Variants in MPRIP observed in about 807,000 individuals in gnomAD.
MPRIP encodes myosin phosphatase Rho interacting protein, also known as myosin phosphatase Rho-interacting protein.
Under a neutral mutation model 234.9 loss-of-function variants are expected in MPRIP, and 59 were observed. That is an observed-to-expected ratio of 0.25 (90% CI 0.20 to 0.31). MPRIP has a LOEUF of 0.31. Among genes scored for constraint, MPRIP ranks in the 10% least tolerant of loss-of-function variants. The probability of loss-of-function intolerance (pLI) is 1.00; values close to 1 mark genes in which losing one functional copy is unlikely to be tolerated. For synonymous variants in MPRIP, 1,144 were observed against 1,263.9 expected (o/e 0.91, Z 2.01); for missense variants, 2,436 against 3,071.0 (o/e 0.79, Z 4.89).
chr17:17,144,492 C>T (rs1222258224), intron 9 of MPRIP, among the ~76,000 whole-genome samples: 2 of 152,212 alleles, frequency 1.3e-5, no homozygotes, highest in Non-Finnish European at 1.5e-5. Flanking sequence ...TAGGCCTTGC[C>T]ATTGGGGTCA....
rs928085816 is a variant in MPRIP at position 17,191,101 on chromosome 17, A to G, written c.*6207A>G. 1 of 152,186 alleles carries G rather than the reference A, an allele frequency of 6.6e-6. No homozygotes were observed. The highest frequency in any genetic ancestry group is 1.5e-5 in the Non-Finnish European group (1 of 68,034). 9.4% of individuals were successfully genotyped at this position (152,186 alleles called of 1,614,324 possible). On this transcript the variant is annotated 3_prime_UTR_variant, in exon 24 of 24. Coordinates refer to ENST00000651222, the MANE Select transcript of MPRIP (RefSeq NM_001364716.4). ...TGTAAAACGTTTGGTCATCTAACAG[A>G]TGGTTTTAAAGTGTACAATATCCAA...
chr17:17,078,137 G>T lies in MPRIP; in HGVS notation c.267+61G>T. 4.5e-6 allele frequency: 7 copies of T among 1,547,862 alleles called. No individual in the cohort carries two copies. Among genetic ancestry groups the T allele is most frequent in the Non-Finnish European group, 6.2e-6 (7 of 1,121,278 alleles). On this transcript the variant is annotated intron_variant, in intron 3 of 23. Coordinates refer to ENST00000651222, the MANE Select transcript of MPRIP (RefSeq NM_001364716.4). This position sits in a 1 kb window ranked among gnomAD's most constrained non-coding sequence, Gnocchi z 4.3. ...CTTCACCAAGTCCCTCCATTACAGT[G>T]CCCTTGCGTTGTCATGTGAGAGCAC...
At chr17:17,100,837 C>T (rs2089947052) in intron 3 of MPRIP, among the ~76,000 whole-genome samples, 1 of 152,124 alleles carries the variant, frequency 6.6e-6, no homozygotes, top group African/African-American at 2.4e-5. Flanking sequence ...CTGAAACCAT[C>T]CATCCATTCC....
At chr17:17,172,451 A>G (rs1309066357) in intron 17 of MPRIP, among the ~76,000 whole-genome samples, 1 of 152,216 alleles carries the variant, frequency 6.6e-6, no homozygotes, top group African/African-American at 2.4e-5. Context: ...TTTTCTTCTA[A>G]CACCAAAAAA....
At chr17:17,137,816 G>A in intron 6 of MPRIP, 100 bp from the exon 7 acceptor site, 2 of 1,031,780 alleles carry the variant, frequency 1.9e-6, no homozygotes, top group Non-Finnish European at 2.7e-6. Context: ...GGTGGAGAAG[G>A]CCCCTGCTTG....
At position 17,167,336 on chromosome 17, in the gene MPRIP, G is replaced by T; in HGVS notation, c.5745G>T (p.Glu1915Asp). Residue 1915 changes from glutamate to aspartate, a missense_variant, in exon 16 of 24, where the codon GAG becomes GAT. Transcript: ENST00000651222. The surrounding 1 kb of genome is among the most constrained non-coding windows in gnomAD (Gnocchi z 5.9). ...VIAIVERENAELKAKAAQLDH... is the reference protein window; with the variant it reads ...VIAIVERENADLKAKAAQLDH... Reference sequence around the variant, plus strand: ...CCATTGTTGAAAGGGAGAATGCAGAGCTCAAGGCCAAGGCCGCCCAGCTAG... The same window carrying T: ...CCATTGTTGAAAGGGAGAATGCAGATCTCAAGGCCAAGGCCGCCCAGCTAG... 1 of 1,304,160 alleles carries T rather than the reference G, an allele frequency of 7.7e-7. No homozygotes were observed. Among genetic ancestry groups the T allele is most frequent in the Non-Finnish European group, 1.0e-6 (1 of 988,966 alleles). The allele number at this position is 1,304,160 out of a possible 1,614,324, so 80.8% of individuals were successfully genotyped here.
At chr17:17,131,258 G>T (rs1205810690) in intron 4 of MPRIP, among the ~76,000 whole-genome samples, 1 of 152,206 alleles carries the variant, frequency 6.6e-6, no homozygotes, top group Non-Finnish European at 1.5e-5. Flanking sequence ...TGCCTCTGTT[G>T]CCCTAAATGG....
At chr17:17,170,150 C>T (rs2046099404) in intron 16 of MPRIP, 1 of 149,348 alleles carries the variant, frequency 6.7e-6, no homozygotes, top group Admixed American at 6.7e-5. Context: ...GGCCCCTTTA[C>T]AAGGATGACA....
intron 15 of MPRIP, among the ~76,000 whole-genome samples, chr17:17,162,332 T>C (rs769767318): frequency 5.3e-5 from 8 of 152,230 alleles, no homozygotes. Flanking sequence ...TGTCACGTAT[T>C]GTCTACATTT....
chr17:17,122,713 T>C (rs2090415736), intron 3 of MPRIP, among the ~76,000 whole-genome samples: 1 of 152,206 alleles, frequency 6.6e-6, no homozygotes. Flanking sequence ...CCAAGAGTGC[T>C]GGTTAGAAGC....
intron 1 of MPRIP, among the ~76,000 whole-genome samples, chr17:17,067,170 C>T (rs1353921091): frequency 6.6e-6 from 1 of 152,184 alleles, no homozygotes; most frequent in Non-Finnish European, 1.5e-5. Flanking sequence ...TTCTCAATTT[C>T]AGCGATAGAA....
intron 23 of MPRIP, among the ~76,000 whole-genome samples, chr17:17,181,250 C>T (rs1201214793): frequency 6.6e-6 from 1 of 152,036 alleles, no homozygotes; most frequent in African/African-American, 2.4e-5. Context: ...AGGCCCTATG[C>T]CAGAGAGGAG....
At chr17:17,183,822 T>C (rs2046421374) in intron 23 of MPRIP, among the ~76,000 whole-genome samples, 1 of 152,234 alleles carries the variant, frequency 6.6e-6, no homozygotes, top group African/African-American at 2.4e-5. Context: ...AGTTTCACGT[T>C]GCTCAGGTTT....
intron 1 of MPRIP, among the ~76,000 whole-genome samples, chr17:17,069,442 A>G (rs1016415130): frequency 6.7e-6 from 1 of 148,854 alleles, no homozygotes; most frequent in African/African-American, 2.5e-5. Flanking sequence ...AACTTAGGGC[A>G]TAGTTAATGC....
intron 5 of MPRIP, among the ~76,000 whole-genome samples, chr17:17,133,990 G>A (rs1168185684): frequency 6.6e-6 from 1 of 152,186 alleles, no homozygotes; most frequent in Non-Finnish European, 1.5e-5. Context: ...CTCTGGTGGA[G>A]CTGAAGGAGG....
At chr17:17,132,571 C>T (rs2090618588) in intron 5 of MPRIP, among the ~76,000 whole-genome samples, 1 of 152,230 alleles carries the variant, frequency 6.6e-6, no homozygotes, top group South Asian at 2.1e-4. Context: ...GTGAAGAGAG[C>T]CAGCCCACGG....
chr17:17,170,312 C>T (rs1330169885), intron 16 of MPRIP: 1 of 151,988 alleles, frequency 6.6e-6, no homozygotes, highest in Non-Finnish European at 1.5e-5. Flanking sequence ...GCCTGAGGAC[C>T]AGGAGCTCCA....
chr17:17,166,532 A>G lies in MPRIP; in HGVS notation c.4941A>G (p.Ser1647=). ...GTLGGEAVGA[S]GDGQQSIPQG... ...TGGGAGGAGAGGCAGTCGGTGCCTC[A>G]GGAGACGGGCAGCAAAGCATCCCAC... Residue 1647 remains serine (S), a synonymous_variant, in exon 16 of 24, where the codon TCA becomes TCG. Coordinates refer to ENST00000651222, the MANE Select transcript of MPRIP (RefSeq NM_001364716.4). The surrounding 1 kb of genome is among the most constrained non-coding windows in gnomAD (Gnocchi z 4.4). The G allele has an allele frequency of 7.7e-7, 1 of 1,304,256 alleles. No homozygotes were observed. The highest frequency in any genetic ancestry group is 1.0e-6 in the Non-Finnish European group (1 of 988,960). The allele number at this position is 1,304,256 out of a possible 1,614,324, so 80.8% of individuals were successfully genotyped here.
In MPRIP at chr17:17,120,572, C is replaced by CTGGG. The variant is rs1377218060; in HGVS notation, c.268-6129_268-6126dup. 2.0e-5 allele frequency among the ~76,000 whole-genome samples: 3 copies of CTGGG among 152,250 alleles called. No homozygotes were observed. In the East Asian group the frequency reaches 5.8e-4, roughly 29 times the overall value. ...AGCCTGTAGCAACTCTGCCCCTTAG[C>CTGGG]TGGGGTAGGGTGGAGCCCAGAAGAG... On this transcript the variant is annotated intron_variant, in intron 3 of 23. Transcript: ENST00000651222.
Sources: gnomAD v4.1 joint callset for allele counts (sites outside exome capture counted in the v4.1 genomes callset) on GRCh38, gnomAD v4.1.1 for gene constraint, Gnocchi (gnomAD v3.1) non-coding constraint, MANE v1.5 for transcripts, NCBI Gene and HGNC (gene_info 2026-07-23, HGNC 2026-07-21) for gene names.